The following SPTBN5 variants were observed in gnomAD, a reference collection of about 807,000 sequenced individuals.
The protein encoded by SPTBN5 is spectrin beta, non-erythrocytic 5.
In SPTBN5, 513 loss-of-function variants were observed where a neutral mutation model predicts 477.6. The observed-to-expected ratio is 1.07, with a 90% CI of 1.00 to 1.16. SPTBN5 has a LOEUF of 1.16. Among genes scored for constraint, SPTBN5 ranks in the 50% most tolerant of loss-of-function variants. The pLI, the probability that SPTBN5 is intolerant of heterozygous loss-of-function variation, is 0.00. For synonymous variants in SPTBN5, 2,169 were observed against 2,011.7 expected (o/e 1.08, Z -2.09); for missense variants, 5,062 against 4,731.8 (o/e 1.07, Z -2.05).
chr15:41,862,450 A>G, intron 43 of SPTBN5, 89 bp downstream of exon 43: 1 of 1,529,706 alleles, frequency 6.5e-7, no homozygotes, highest in Non-Finnish European at 8.8e-7. Context: ...TGGAGAAGGA[A>G]TCCTAGGGGA....
At chr15:41,880,641 G>A (rs1057145884) in intron 13 of SPTBN5, among the ~76,000 whole-genome samples, 1 of 152,150 alleles carries the variant, frequency 6.6e-6, no homozygotes, top group African/African-American at 2.4e-5. Context: ...ACCCCCACCT[G>A]CCTCTCTAGT....
At position 41,848,426 on chromosome 15, in the gene SPTBN5, G is replaced by A. The variant is rs116152856; in HGVS notation, c.*190C>T. On this transcript the variant is annotated 3_prime_UTR_variant, in exon 68 of 68. Coordinates refer to ENST00000320955, the MANE Select transcript of SPTBN5 (RefSeq NM_016642.4). Reference sequence around the variant, plus strand: ...GGAATGCAGGGGGAGGCCAGGCAATGGCTGTTTCCTGCCACATGGTAGGAC... The same window carrying A: ...GGAATGCAGGGGGAGGCCAGGCAATAGCTGTTTCCTGCCACATGGTAGGAC... 1.0e-5 allele frequency: 7 copies of A among 673,280 alleles called. No individual in the cohort carries two copies. The East Asian group carries it at 1.4e-4, about 13-fold the overall frequency. The allele number at this position is 673,280 out of a possible 1,614,324, so 41.7% of individuals were successfully genotyped here.
At chr15:41,855,777 C>G (rs768868091) in intron 53 of SPTBN5, 32 bp from the exon 54 acceptor site, 1 of 1,525,946 alleles carries the variant, frequency 6.6e-7, no homozygotes, top group South Asian at 1.2e-5. Flanking sequence ...TCCGTTTTCC[C>G]GGGGCACCCT....
Position 41,877,233 on chromosome 15 carries a change from C to A in SPTBN5, c.3594G>T (p.Glu1198Asp). 6.2e-7 allele frequency: 1 copy of A among 1,614,032 alleles called. No homozygotes were observed. The highest frequency in any genetic ancestry group is 8.5e-7 in the Non-Finnish European group (1 of 1,179,908). The change falls in exon 18 of 68, where the codon GAG becomes GAT. Residue 1198 changes from glutamate (E) to aspartate (D), a missense_variant. Glu to Asp is a conservative substitution (Grantham distance 45). Coordinates refer to ENST00000320955, the MANE Select transcript of SPTBN5 (RefSeq NM_016642.4). ...CCTCTTGCAGCCACTGCTGCCTCTG[C>A]TCCCACAAAACCTTCAGCTCCTGGC... ...QQGQELKVLW[E>D]QRQQWLQEGL...
At chr15:41,886,841 G>T (rs1000375889) in intron 6 of SPTBN5, among the ~76,000 whole-genome samples, 1 of 152,250 alleles carries the variant, frequency 6.6e-6, no homozygotes, top group Non-Finnish European at 1.5e-5. Context: ...CATGAATTCT[G>T]CGTAGCCCCC....
chr15:41,857,116 A>G (rs1342834006), intron 51 of SPTBN5, 77 bp from the exon 52 acceptor site: 4 of 1,522,234 alleles, frequency 2.6e-6, no homozygotes, highest in African/African-American at 2.8e-5. Flanking sequence ...GACACAGATC[A>G]CCCAGCTGTG....
Position 41,861,409 on chromosome 15 carries a change from G to A in SPTBN5, c.7815+10C>T. On this transcript the variant is annotated intron_variant, in intron 46 of 67. Transcript: ENST00000320955. ...TTCCCCCCTCCTGCCCATTCCTGCT[G>A]GGCACCTACCCATAGACCCTCACTG... The A allele has an allele frequency of 6.2e-7, 1 of 1,611,164 alleles. No individual in the cohort carries two copies. Among genetic ancestry groups the A allele is most frequent in the Non-Finnish European group, 8.5e-7 (1 of 1,177,868 alleles).
chr15:41,861,535 G>A (rs1323744304), intron 45 of SPTBN5, 39 bp from the exon 46 acceptor site: 1 of 1,600,788 alleles, frequency 6.2e-7, no homozygotes, highest in African/African-American at 1.3e-5. Flanking sequence ...GTCGGTGGAG[G>A]GTCCAGCCAC....
At chr15:41,871,756 C>G (rs538712350) in intron 28 of SPTBN5, 26 bp downstream of exon 28, 2 of 1,535,592 alleles carry the variant, frequency 1.3e-6, no homozygotes, top group African/African-American at 2.7e-5. Context: ...TCAGGGCACC[C>G]TCCTTGACCC....
At chr15:41,879,971 T>C (rs567763854) in intron 14 of SPTBN5, 107 bp from the exon 15 acceptor site, 32 of 1,486,858 alleles carry the variant, frequency 2.2e-5, no homozygotes, top group Middle Eastern at 3.5e-4. Flanking sequence ...GGGATGCTCA[T>C]GCTGCCTGCC....
chr15:41,850,335 T>A (rs1292978436), intron 66 of SPTBN5: 1 of 279,070 alleles, frequency 3.6e-6, no homozygotes, highest in East Asian at 7.6e-5. Context: ...GAACACACGG[T>A]CCACACGGAG....
Position 41,893,480 on chromosome 15 carries a change from G to A in SPTBN5, c.18C>T (p.His6=), listed in dbSNP as rs752770457. 6 of 1,590,354 alleles carry A rather than the reference G, an allele frequency of 3.8e-6. No individual in the cohort carries two copies. In the Admixed American group the frequency reaches 1.1e-4, roughly 28 times the overall value. ...CAGCCCCGAGGAGCTCCCGGGGACT[G>A]TGGGGCTGACCAGCCATCAGCCCTG... MAGQP[H]SPRELLGAAG... The change falls in exon 2 of 68, where the codon CAC becomes CAT. Residue 6 remains histidine (H), a synonymous_variant. Coordinates refer to ENST00000320955, the MANE Select transcript of SPTBN5 (RefSeq NM_016642.4).
intron 29 of SPTBN5, 149 bp from the exon 30 acceptor site, chr15:41,870,709 G>A (rs2066507915): frequency 3.1e-6 from 2 of 646,482 alleles, no homozygotes; most frequent in East Asian, 2.8e-5. Context: ...CCCGCCTGTG[G>A]CCCTGCCTAC....
In SPTBN5 at chr15:41,879,412, T is replaced by C. The variant is rs1221910184; in HGVS notation, c.3030A>G (p.Gly1010=). Reference sequence around the variant, plus strand: ...CGTCTCGCAGCTGGACCTGTGTGGGTCCACACTCCTGCAGAAAACTGCACA... The same window carrying C: ...CGTCTCGCAGCTGGACCTGTGTGGGCCCACACTCCTGCAGAAAACTGCACA... The part of the protein sequence containing the change: ...VEVCSFLQEC[G]PTQVQLRDVL... Residue 1010 remains glycine (G), a synonymous_variant, in exon 16 of 68, where the codon GGA becomes GGG. Transcript: ENST00000320955. 2 of 1,610,394 alleles carry C rather than the reference T, an allele frequency of 1.2e-6. No homozygotes were observed. Among genetic ancestry groups the C allele is most frequent in the Non-Finnish European group, 8.5e-7 (1 of 1,179,614 alleles).
chr15:41,885,894 G>A lies in SPTBN5; in HGVS notation c.1361C>T (p.Ala454Val). ...DAEQVLDQARAPPASLATVEA... is the reference protein window; with the variant it reads ...DAEQVLDQARVPPASLATVEA... ...CACTGTGGCCAGGCTGGCTGGCGGGGCTCTGGCCTGGTCTAGCACCTGCTC... is the reference window on the plus strand; with the variant it reads ...CACTGTGGCCAGGCTGGCTGGCGGGACTCTGGCCTGGTCTAGCACCTGCTC... The change falls in exon 7 of 68, where the codon GCC (alanine) becomes GTC (valine). Residue 454 changes from alanine to valine, a missense_variant. Physicochemically the swap from Ala to Val is moderately conservative, Grantham distance 64 (BLOSUM62 0). Coordinates refer to ENST00000320955, the MANE Select transcript of SPTBN5 (RefSeq NM_016642.4). 6.3e-7 allele frequency: 1 copy of A among 1,584,048 alleles called. No homozygotes were observed. Among genetic ancestry groups the A allele is most frequent in the Non-Finnish European group, 8.6e-7 (1 of 1,165,522 alleles).
intron 48 of SPTBN5, 55 bp from the exon 49 acceptor site, chr15:41,858,803 C>G (rs2066003651): frequency 3.2e-6 from 5 of 1,572,714 alleles, no homozygotes; most frequent in Non-Finnish European, 4.3e-6. Flanking sequence ...TTCCCCTGAC[C>G]TCTGGGATAC....
In SPTBN5 at chr15:41,875,009, C is replaced by T. The variant is rs571547247; in HGVS notation, c.4335G>A (p.Ser1445=). The stretch of plus-strand genomic sequence containing the variant: ...TGGAGCGCAGGTCCTGCCCTGTTTC[C>T]GAGCTCTGTAGGGCCCCTTCGAGCT... ...LEQLEGALQS[S]ETGQDLRSSQ... is the part of the protein sequence containing the mutation. The change falls in exon 23 of 68, where the codon TCG becomes TCA. Residue 1445 remains serine, a synonymous_variant. Transcript: ENST00000320955. 2.5e-5 allele frequency: 41 copies of T among 1,613,654 alleles called. No homozygotes were observed. The East Asian group carries it at 3.6e-4, about 14-fold the overall frequency.
intron 5 of SPTBN5, 129 bp from the exon 6 acceptor site, chr15:41,887,570 A>G (rs2067194678): frequency 2.6e-6 from 2 of 760,028 alleles, no homozygotes; most frequent in African/African-American, 3.5e-5. Context: ...CCCGACAGTT[A>G]TCTGAGGCCC....
chr15:41,855,563 C>T lies in SPTBN5; in HGVS notation c.9204G>A (p.Arg3068=). The part of the protein sequence containing the change: ...LQQTAALLES[R]KNPESPKVLA... ...CTTCCGCCCACCTTTCTGGGTTCTT[C>T]CTGCTCTCCAGGAGTGCTGCTGTCT... The change falls in exon 54 of 68, where the codon AGG becomes AGA. Residue 3068 remains arginine (R), a synonymous_variant. Coordinates refer to ENST00000320955, the MANE Select transcript of SPTBN5 (RefSeq NM_016642.4). 1 of 1,610,426 alleles carries T rather than the reference C, an allele frequency of 6.2e-7. No homozygotes were observed. The highest frequency in any genetic ancestry group is 8.5e-7 in the Non-Finnish European group (1 of 1,178,328).
Sources: allele counts gnomAD v4.1 joint callset (sites outside exome capture counted in the v4.1 genomes callset), GRCh38; gene constraint gnomAD v4.1.1; transcripts MANE v1.5; gene names NCBI Gene and HGNC (gene_info 2026-07-23, HGNC 2026-07-21).